SNX24: variants seen among roughly 807,000 people sequenced by gnomAD.
SNX24 encodes sorting nexin 24, also known as sorting nexin-24.
A neutral mutation model predicts 28.7 loss-of-function variants in SNX24; 22 were observed. The observed-to-expected ratio is 0.77, with a 90% CI of 0.55 to 1.10. SNX24 has a LOEUF of 1.10. SNX24 is among the 50% of genes least tolerant of loss of function. The pLI is 0.00. For missense variants in SNX24, 221 were observed against 201.1 expected (o/e 1.10, Z -0.60); for synonymous variants, 69 against 71.5 (o/e 0.96, Z 0.18).
intron 1 of SNX24, among the ~76,000 whole-genome samples, chr5:122,884,174 T>A (rs1756595831): frequency 6.6e-6 from 1 of 152,040 alleles, no homozygotes; most frequent in Non-Finnish European, 1.5e-5. Context: ...TAGGAATCAG[T>A]TAGTCTGATT....
At chr5:122,991,605 A>C (rs1164834515) in intron 3 of SNX24, among the ~76,000 whole-genome samples, 1 of 152,046 alleles carries the variant, frequency 6.6e-6, no homozygotes, top group Non-Finnish European at 1.5e-5. Context: ...GATCACAGGC[A>C]CGTGCCACCT....
intron 3 of SNX24, among the ~76,000 whole-genome samples, chr5:122,959,181 T>C (rs902976056): frequency 1.1e-4 from 17 of 152,048 alleles, no homozygotes; most frequent in Non-Finnish European, 1.5e-4. Flanking sequence ...TAGAGACCTG[T>C]TCAGATTTTC....
chr5:122,935,862 TAAAC>T (rs1471486252), intron 1 of SNX24, among the ~76,000 whole-genome samples: 1 of 152,214 alleles, frequency 6.6e-6, no homozygotes, highest in East Asian at 1.9e-4. Flanking sequence ...ATTAAGTAAT[TAAAC>T]AATATTCCTT....
chr5:122,928,295 T>C (rs1289975642), intron 1 of SNX24, among the ~76,000 whole-genome samples: 1 of 152,174 alleles, frequency 6.6e-6, no homozygotes, highest in Non-Finnish European at 1.5e-5. Flanking sequence ...AGGTCTGTAG[T>C]GAATGAAATA....
intron 3 of SNX24, among the ~76,000 whole-genome samples, chr5:122,971,021 T>C (rs112300374): frequency 5.9e-5 from 9 of 152,276 alleles, no homozygotes; most frequent in Admixed American, 2.6e-4. Context: ...AGGTGAAGTC[T>C]CACGATAGGC....
At chr5:122,964,247 C>CAAAAAAA (rs34174497) in intron 3 of SNX24, among the ~76,000 whole-genome samples, 53 of 36,522 alleles carry the variant, frequency 1.5e-3, no homozygotes, top group African/African-American at 2.4e-3. Flanking sequence ...GACTCCATCT[C>CAAAAAAA]AAAAAAAAAA....
intron 1 of SNX24, among the ~76,000 whole-genome samples, chr5:122,888,089 T>C (rs1293348174): frequency 6.6e-6 from 1 of 152,264 alleles, no homozygotes; most frequent in African/African-American, 2.4e-5. Context: ...TGATTTATCC[T>C]ATTCTAATGG....
intron 3 of SNX24, among the ~76,000 whole-genome samples, chr5:122,981,764 G>T (rs1197955700): frequency 1.3e-5 from 2 of 152,174 alleles, no homozygotes; most frequent in South Asian, 4.1e-4. Context: ...TGCAACCTCT[G>T]CCTCCCGGGC....
chr5:123,014,756 T>G (rs1368723984), intron 5 of SNX24, among the ~76,000 whole-genome samples: 1 of 152,190 alleles, frequency 6.6e-6, no homozygotes, highest in Non-Finnish European at 1.5e-5. Flanking sequence ...GAAAAACATT[T>G]AAATTTCTGC....
intron 1 of SNX24, among the ~76,000 whole-genome samples, chr5:122,926,329 G>C (rs1195006085): frequency 2.6e-5 from 4 of 152,180 alleles, no homozygotes; most frequent in Admixed American, 1.3e-4. Context: ...GGAAGGATCT[G>C]TTAGAGGATT....
intron 1 of SNX24, among the ~76,000 whole-genome samples, chr5:122,907,887 G>A (rs7709454): frequency 3.0e-4 from 46 of 151,120 alleles, no homozygotes; most frequent in African/African-American, 1.1e-3. Context: ...TCACTGAATG[G>A]TAATTTTTTT....
intron 5 of SNX24, among the ~76,000 whole-genome samples, chr5:123,019,454 G>A (rs1459044276): frequency 6.6e-6 from 1 of 152,154 alleles, no homozygotes; most frequent in Non-Finnish European, 1.5e-5. Flanking sequence ...ACTCAAAACG[G>A]CTAAACTAAG....
intron 1 of SNX24, among the ~76,000 whole-genome samples, chr5:122,935,966 C>G (rs568036259): frequency 6.6e-6 from 1 of 152,290 alleles, no homozygotes; most frequent in South Asian, 2.1e-4. Flanking sequence ...ATCCTGCTAA[C>G]CATCCCTCCC....
chr5:122,969,303 A>G (rs1253556402), intron 3 of SNX24, among the ~76,000 whole-genome samples: 1 of 152,208 alleles, frequency 6.6e-6, no homozygotes, highest in Non-Finnish European at 1.5e-5. Context: ...CCTCACTTCC[A>G]CATAGCTGAA....
chr5:122,884,270 T>TTC (rs1554069248), intron 1 of SNX24, among the ~76,000 whole-genome samples: 1 of 149,078 alleles, frequency 6.7e-6, no homozygotes, highest in Non-Finnish European at 1.5e-5. Context: ...TTTTTTTTTT[T>TTC]TCAGACAGAG....
At chr5:123,009,301 TCA>T (rs950306196), downstream of SNX24, 2 of 740,236 alleles carry the variant, frequency 2.7e-6, no homozygotes, top group Non-Finnish European at 3.3e-6. Context: ...ACAAAACCTC[TCA>T]CACATTCACA....
chr5:122,971,073 A>C (rs1311130546), intron 3 of SNX24, among the ~76,000 whole-genome samples: 1 of 152,214 alleles, frequency 6.6e-6, no homozygotes, highest in African/African-American at 2.4e-5. Context: ...CCAAGTCCCA[A>C]AACCTCAAAT....
intron 3 of SNX24, among the ~76,000 whole-genome samples, chr5:122,996,435 T>C (rs1448955933): frequency 6.6e-6 from 1 of 152,172 alleles, no homozygotes; most frequent in Admixed American, 6.5e-5. Flanking sequence ...TATAGATGTA[T>C]GTATGTTTTC....
rs200698858 is a variant in SNX24 at position 122,999,869 on chromosome 5, C to T, written c.250-43C>T. 6.8e-6 allele frequency: 8 copies of T among 1,169,526 alleles called. No homozygotes were observed. The East Asian group carries it at 1.4e-4, about 20-fold the overall frequency. 72.4% of individuals were successfully genotyped at this position (1,169,526 alleles called of 1,614,324 possible). On this transcript the variant is annotated intron_variant, in intron 3 of 6. Coordinates refer to ENST00000261369, the MANE Select transcript of SNX24 (RefSeq NM_014035.4). ...ATAGTTCATTTGATTGATCACCTAG[C>T]AAACTTCACTTCAGTTTCGAATTCT... is the stretch of plus-strand genomic sequence containing the variant.
Sources: gnomAD v4.1 joint callset for allele counts (sites outside exome capture counted in the v4.1 genomes callset) on GRCh38, gnomAD v4.1.1 for gene constraint, MANE v1.5 for transcripts, NCBI Gene and HGNC (gene_info 2026-07-23, HGNC 2026-07-21) for gene names.